The following PIP4K2A variants were observed in gnomAD, a reference collection of about 807,000 sequenced individuals.
PIP4K2A encodes the protein phosphatidylinositol-5-phosphate 4-kinase type 2 alpha, also known as phosphatidylinositol 5-phosphate 4-kinase type-2 alpha.
In PIP4K2A, 14 loss-of-function variants were observed where a neutral mutation model predicts 42.9. The observed-to-expected ratio is 0.33, with a 90% confidence interval of 0.22 to 0.51. The LOEUF (loss-of-function observed/expected upper bound fraction) is 0.51, where lower values mean the gene tolerates loss of function less well. Ranked by LOEUF, PIP4K2A falls within the 20% of genes least tolerant of loss-of-function variation. The probability of loss-of-function intolerance (pLI) is 0.97; values close to 1 mark genes in which losing one functional copy is unlikely to be tolerated. For missense variants in PIP4K2A, 434 were observed against 519.8 expected, an observed-to-expected ratio of 0.83 and a Z score of 1.61; for synonymous variants, 192 against 192.2, an observed-to-expected ratio of 1.00 and a Z score of 0.01.
chr10:22,670,246 G>A (rs1037158627), intron 1 of PIP4K2A, among the ~76,000 whole-genome samples: 1 of 152,154 alleles, frequency 6.6e-6, no homozygotes, highest in Non-Finnish European at 1.5e-5. Context: ...AGGCATGGTG[G>A]TGCGCCCCTG....
intron 1 of PIP4K2A, among the ~76,000 whole-genome samples, chr10:22,690,916 G>A (rs1198274644): frequency 6.6e-6 from 1 of 152,150 alleles, no homozygotes; most frequent in African/African-American, 2.4e-5. Flanking sequence ...AGAGCAGTGG[G>A]GCATCAATTG....
intron 6 of PIP4K2A, among the ~76,000 whole-genome samples, chr10:22,559,641 G>A (rs1836637318): frequency 6.6e-6 from 1 of 152,038 alleles, no homozygotes; most frequent in African/African-American, 2.4e-5. Flanking sequence ...TATATTTGCT[G>A]AACAGAACAT....
At chr10:22,557,935 G>A (rs1469856279) in intron 6 of PIP4K2A, among the ~76,000 whole-genome samples, 1 of 152,168 alleles carries the variant, frequency 6.6e-6, no homozygotes, top group Non-Finnish European at 1.5e-5. Context: ...AGTGTCTAAT[G>A]CAAACAGGAT....
intron 1 of PIP4K2A, among the ~76,000 whole-genome samples, chr10:22,712,660 G>A (rs1833930884): frequency 2.0e-5 from 3 of 152,150 alleles, no homozygotes; most frequent in Non-Finnish European, 4.4e-5. Context: ...AGTTTTTGGT[G>A]CAGTAATGCA....
chr10:22,644,210 C>T (rs917134796), intron 1 of PIP4K2A, among the ~76,000 whole-genome samples: 7 of 152,204 alleles, frequency 4.6e-5, no homozygotes, highest in Non-Finnish European at 7.3e-5. Flanking sequence ...TGGGCCCAAA[C>T]TCCCGGAGTT....
intron 1 of PIP4K2A, among the ~76,000 whole-genome samples, chr10:22,633,468 A>G (rs1251432329): frequency 1.3e-5 from 2 of 152,150 alleles, no homozygotes; most frequent in Non-Finnish European, 2.9e-5. Context: ...TCATGGAAAA[A>G]AATCCCAACT....
At chr10:22,558,412 CAT>C (rs1218602497) in intron 6 of PIP4K2A, among the ~76,000 whole-genome samples, 1 of 152,138 alleles carries the variant, frequency 6.6e-6, no homozygotes, top group Non-Finnish European at 1.5e-5. Flanking sequence ...GATGGAGTAA[CAT>C]ATTTGGTATC....
At chr10:22,616,303 T>G (rs975167276) in intron 1 of PIP4K2A, among the ~76,000 whole-genome samples, 6 of 152,172 alleles carry the variant, frequency 3.9e-5, no homozygotes, top group Non-Finnish European at 7.3e-5. Context: ...GCACTAACCT[T>G]ACGGCTCATG....
Position 22,608,119 on chromosome 10 carries a change from G to C in PIP4K2A, c.243-96C>G, listed in dbSNP as rs972570816. ...CCACAGGTAGCCAAAGAAGGGTTCA[G>C]AGTTCACTGCCTACCAAAAGCACAG... On this transcript the variant is annotated intron_variant, in intron 2 of 9. Transcript: ENST00000376573. 2.8e-5 allele frequency: 21 copies of C among 738,456 alleles called. No individual in the cohort carries two copies. The Admixed American group carries it at 3.0e-4, about 11-fold the overall frequency. The allele number at this position is 738,456 out of a possible 1,614,324, so 45.7% of individuals were successfully genotyped here. A position where few individuals can be genotyped will look rare whatever the true frequency, so the allele number is the denominator to read the frequency against.
chr10:22,552,851 A>G (rs1016358792), intron 6 of PIP4K2A, among the ~76,000 whole-genome samples: 8 of 152,146 alleles, frequency 5.3e-5, no homozygotes, highest in African/African-American at 1.4e-4. Context: ...AACCCATTTT[A>G]TAAGTGTAAG....
At chr10:22,644,525 C>T (rs757282024) in intron 1 of PIP4K2A, among the ~76,000 whole-genome samples, 91 of 152,166 alleles carry the variant, frequency 6.0e-4, no homozygotes, top group Admixed American at 1.4e-3. Flanking sequence ...GTCCGTCAGG[C>T]TTCGGTCCCC....
At chr10:22,660,523 T>C (rs933919019) in intron 1 of PIP4K2A, among the ~76,000 whole-genome samples, 1 of 152,092 alleles carries the variant, frequency 6.6e-6, no homozygotes, top group Admixed American at 6.6e-5. Flanking sequence ...TTTTTTTTCC[T>C]GAAAGGCAGG....
At chr10:22,700,022 T>C (rs565224662) in intron 1 of PIP4K2A, among the ~76,000 whole-genome samples, 1 of 152,356 alleles carries the variant, frequency 6.6e-6, no homozygotes, top group South Asian at 2.1e-4. Flanking sequence ...TTACACAGAC[T>C]AGGAGAAAAT....
At chr10:22,628,983 C>T (rs1399584404) in intron 1 of PIP4K2A, among the ~76,000 whole-genome samples, 2 of 152,270 alleles carry the variant, frequency 1.3e-5, no homozygotes, top group East Asian at 3.9e-4. Context: ...AACTTTGGAA[C>T]ACCCTTGGCC....
chr10:22,670,410 T>C (rs1399316901), intron 1 of PIP4K2A, among the ~76,000 whole-genome samples: 1 of 152,028 alleles, frequency 6.6e-6, no homozygotes, highest in Non-Finnish European at 1.5e-5. Context: ...CTCCTTAAGG[T>C]CCACCTGACT....
At chr10:22,568,278 A>G (rs907178261) in intron 5 of PIP4K2A, among the ~76,000 whole-genome samples, 2 of 152,226 alleles carry the variant, frequency 1.3e-5, no homozygotes, top group African/African-American at 2.4e-5. Context: ...GTTATCTTAA[A>G]GAGTCCCACT....
intron 4 of PIP4K2A, 112 bp downstream of exon 4, chr10:22,591,517 G>C (rs1837510112): frequency 1.2e-6 from 1 of 842,944 alleles, no homozygotes; most frequent in Non-Finnish European, 1.8e-6. Flanking sequence ...ATGTTTATGT[G>C]AAATGTGTTC....
At chr10:22,625,648 C>T (rs1284625552) in intron 1 of PIP4K2A, among the ~76,000 whole-genome samples, 4 of 152,148 alleles carry the variant, frequency 2.6e-5, no homozygotes, top group Non-Finnish European at 2.9e-5. Flanking sequence ...ATTTGTGATA[C>T]GATCCTCTCC....
At chr10:22,662,415 G>A (rs1423579076) in intron 1 of PIP4K2A, among the ~76,000 whole-genome samples, 1 of 152,204 alleles carries the variant, frequency 6.6e-6, no homozygotes, top group Non-Finnish European at 1.5e-5. Context: ...GCTGAATGCT[G>A]AAGATTTCTG....
Sources: gnomAD v4.1 joint callset for allele counts (sites outside exome capture counted in the v4.1 genomes callset) on GRCh38, gnomAD v4.1.1 for gene constraint, MANE v1.5 for transcripts, NCBI Gene and HGNC (gene_info 2026-07-23, HGNC 2026-07-21) for gene names.